ACTR3C: variants seen among roughly 807,000 people sequenced by gnomAD.
ACTR3C encodes the protein actin-related protein 3C.
In ACTR3C, 18 loss-of-function variants were observed where a neutral mutation model predicts 26.3. That is an observed-to-expected ratio of 0.68 (90% CI 0.47 to 1.01). The LOEUF (loss-of-function observed/expected upper bound fraction) is 1.01, where lower values mean the gene tolerates loss of function less well. Among genes scored for constraint, ACTR3C ranks in the 50% least tolerant of loss-of-function variants. The pLI is 0.00. For synonymous variants in ACTR3C, 55 were observed against 94.5 expected (o/e 0.58, Z 2.42); for missense variants, 184 against 250.7 (o/e 0.73, Z 1.80).
chr7:149,935,736 A>C, the ACTR3C span, among the ~76,000 whole-genome samples: 2 of 149,090 alleles, frequency 1.3e-5, no homozygotes, highest in Non-Finnish European at 3.0e-5. Context: ...CACCAAAAGC[A>C]AACAAATAAA....
intron 6 of ACTR3C, among the ~76,000 whole-genome samples, chr7:150,264,153 G>T (rs1201518009): frequency 6.6e-6 from 1 of 152,210 alleles, no homozygotes; most frequent in Non-Finnish European, 1.5e-5. Context: ...GTGAAGGGAG[G>T]TCACAACCCA....
chr7:149,972,256 T>C, the ACTR3C span, among the ~76,000 whole-genome samples: 1 of 152,262 alleles, frequency 6.6e-6, no homozygotes, highest in South Asian at 2.1e-4. Context: ...GATGCCATCA[T>C]ACTTCTTTCT....
chr7:150,042,508 TC>T, the ACTR3C span, among the ~76,000 whole-genome samples: 4 of 134,300 alleles, frequency 3.0e-5, no homozygotes, highest in African/African-American at 9.6e-5. Flanking sequence ...GGGGATTGCC[TC>T]GCCCCCTGCG....
chr7:150,163,447 C>T, the ACTR3C span, among the ~76,000 whole-genome samples: 23 of 149,812 alleles, frequency 1.5e-4, no homozygotes, highest in African/African-American at 5.4e-4. Context: ...CATATATATA[C>T]TTATCTGTTT....
chr7:150,035,748 G>A, the ACTR3C span, among the ~76,000 whole-genome samples: 67 of 139,256 alleles, frequency 4.8e-4, 10 homozygotes, highest in Middle Eastern at 7.8e-3. Context: ...TCCCCGCCTC[G>A]CGGGGGGTGC....
chr7:150,202,291 G>A, the ACTR3C span, among the ~76,000 whole-genome samples: 11 of 152,072 alleles, frequency 7.2e-5, no homozygotes, highest in Non-Finnish European at 1.5e-4. Context: ...TAAAATGTGT[G>A]AGCCAGGAAA....
chr7:150,094,939 C>T, the ACTR3C span, among the ~76,000 whole-genome samples: 7 of 148,778 alleles, frequency 4.7e-5, no homozygotes, highest in African/African-American at 1.5e-4. Flanking sequence ...TGGGTCACAC[C>T]TCCCTGCTCC....
At chr7:150,004,118 GGTAT>G in the ACTR3C span, among the ~76,000 whole-genome samples, 3 of 151,170 alleles carry the variant, frequency 2.0e-5, no homozygotes, top group Non-Finnish European at 4.4e-5. Flanking sequence ...TGTATGATGT[GGTAT>G]GTAAGTTGTG....
the ACTR3C span, among the ~76,000 whole-genome samples, chr7:150,125,462 G>T: frequency 1.0e-4 from 14 of 139,150 alleles, no homozygotes; most frequent in Admixed American, 3.0e-4. Flanking sequence ...AAGTTCCCAG[G>T]TACTCTGTGG....
the ACTR3C span, among the ~76,000 whole-genome samples, chr7:149,966,315 C>T: frequency 6.6e-6 from 1 of 152,158 alleles, no homozygotes; most frequent in Non-Finnish European, 1.5e-5. Context: ...CACTGTCAGG[C>T]CTGGGATTAA....
Position 150,284,863 on chromosome 7 carries a change from A to G in ACTR3C, c.472-18T>C, listed in dbSNP as rs1563179674. Reference sequence around the variant, plus strand: ...TTGGCAAACTGAATTGTATATCAATATAAAAGAAACATTACACATTTCTCT... The same window carrying G: ...TTGGCAAACTGAATTGTATATCAATGTAAAAGAAACATTACACATTTCTCT... On this transcript the variant is annotated intron_variant, in intron 5 of 7. Transcript: ENST00000683684. 2 of 1,600,454 alleles carry G rather than the reference A, an allele frequency of 1.2e-6. No homozygotes were observed. Among genetic ancestry groups the G allele is most frequent in the Non-Finnish European group, 8.5e-7 (1 of 1,174,308 alleles).
At chr7:150,100,007 A>G in the ACTR3C span, among the ~76,000 whole-genome samples, 1 of 151,684 alleles carries the variant, frequency 6.6e-6, no homozygotes, top group Non-Finnish European at 1.5e-5. Flanking sequence ...TCCTTCTTTT[A>G]TTCCAAACCC....
the ACTR3C span, among the ~76,000 whole-genome samples, chr7:150,177,553 T>C: frequency 2.7e-3 from 412 of 151,104 alleles, 4 homozygotes; most frequent in Non-Finnish European, 4.7e-3. Flanking sequence ...TCATTATTTC[T>C]ACTTCAAAAC....
chr7:150,141,855 G>A, the ACTR3C span, among the ~76,000 whole-genome samples: 6 of 151,820 alleles, frequency 4.0e-5, no homozygotes, highest in South Asian at 2.1e-4. Context: ...GTCTGTGTTC[G>A]CAGGTGCTGA....
chr7:150,158,822 A>C, the ACTR3C span, among the ~76,000 whole-genome samples: 7 of 150,536 alleles, frequency 4.7e-5, no homozygotes. Context: ...ACAGGCACAC[A>C]CATGCACACA....
chr7:149,902,579 AC>A, the ACTR3C span, among the ~76,000 whole-genome samples: 1 of 101,534 alleles, frequency 9.8e-6, no homozygotes. Context: ...AACAAGAGAG[AC>A]CCCCATCTCT....
rs568580116 is a variant in ACTR3C, at chr7:150,274,720, C to T, written c.564+10033G>A. Among the ~76,000 whole-genome samples the T allele has an allele frequency of 1.3e-5, 2 of 152,324 alleles. No individual in the cohort carries two copies. Among genetic ancestry groups the T allele is most frequent in the Admixed American group, 6.5e-5 (1 of 15,308 alleles). ...TCAGCCCACGTGGAGACCCACGCAG[C>T]TTGGCCCTGACGCCTATACTCTTAA... is the stretch of plus-strand genomic sequence containing the variant. On this transcript the variant is annotated intron_variant, in intron 6 of 7. Coordinates refer to ENST00000683684, the MANE Select transcript of ACTR3C (RefSeq NM_001164458.2). This position sits in a 1 kb window ranked among gnomAD's most constrained non-coding sequence, Gnocchi z 4.1.
the ACTR3C span, among the ~76,000 whole-genome samples, chr7:150,192,256 A>G: frequency 6.6e-6 from 1 of 150,930 alleles, no homozygotes; most frequent in East Asian, 1.9e-4. Flanking sequence ...GAAGTGTTCT[A>G]TCTTCTCTGC....
At chr7:150,119,536 A>C in the ACTR3C span, among the ~76,000 whole-genome samples, 1 of 152,348 alleles carries the variant, frequency 6.6e-6, no homozygotes, top group South Asian at 2.1e-4. Context: ...AGAGCTAACT[A>C]TCCTAAATAT....
Sources: allele counts gnomAD v4.1 joint callset (sites outside exome capture counted in the v4.1 genomes callset), GRCh38; gene constraint gnomAD v4.1.1; non-coding constraint Gnocchi (gnomAD v3.1); transcripts MANE v1.5; gene names NCBI Gene and HGNC (gene_info 2026-07-23, HGNC 2026-07-21).